The following STRBP variants were observed in gnomAD, a reference collection of about 807,000 sequenced individuals.
STRBP encodes the protein spermatid perinuclear RNA-binding protein.
A neutral mutation model predicts 80.1 loss-of-function variants in STRBP; 13 were observed. That is an observed-to-expected ratio of 0.16 (90% CI 0.11 to 0.26). The LOEUF (loss-of-function observed/expected upper bound fraction) is 0.26. Ranked by LOEUF, STRBP falls within the 10% of genes least tolerant of loss-of-function variation. The pLI is 1.00. For missense variants in STRBP, 485 were observed against 815.2 expected (o/e 0.59, Z 4.93); for synonymous variants, 284 against 291.2 (o/e 0.98, Z 0.25).
Position 123,159,103 on chromosome 9 carries a change from T to C in STRBP, c.828A>G (p.Leu276=). 1 of 1,612,430 alleles carries C rather than the reference T, an allele frequency of 6.2e-7. No homozygotes were observed. Among genetic ancestry groups the C allele is most frequent in the Non-Finnish European group, 8.5e-7 (1 of 1,178,622 alleles). The part of the protein sequence containing the change: ...RVMECLASGI[L]LPGGPGLHDP... ...AGAGTTTGAAACCCTTACCAGGAAG[T>C]AGTATTCCAGATGCCAAACACTCCA... is the stretch of plus-strand genomic sequence containing the variant. The change falls in exon 9 of 19, where the codon CTA becomes CTG. Residue 276 remains leucine, a synonymous_variant. Coordinates refer to ENST00000348403, the MANE Select transcript of STRBP (RefSeq NM_018387.5).
At chr9:123,246,740 G>T (rs1053682144) in intron 1 of STRBP, among the ~76,000 whole-genome samples, 4 of 152,112 alleles carry the variant, frequency 2.6e-5, no homozygotes, top group Non-Finnish European at 5.9e-5. Flanking sequence ...CTATTCAAAG[G>T]AAAATTGTAG....
chr9:123,125,286 T>G lies in STRBP; in HGVS notation c.*311A>C. On this transcript the variant is annotated 3_prime_UTR_variant, in exon 19 of 19. Transcript: ENST00000348403. Reference sequence around the variant, plus strand: ...TATACATCCTTCACAAATTTAATTTTACATAATCTGATACGTCTCTTAAAA... The same window carrying G: ...TATACATCCTTCACAAATTTAATTTGACATAATCTGATACGTCTCTTAAAA... 1 of 1,044,812 alleles carries G rather than the reference T, an allele frequency of 9.6e-7. No homozygotes were observed. Among genetic ancestry groups the G allele is most frequent in the Non-Finnish European group, 1.2e-6 (1 of 868,110 alleles). 64.7% of individuals were successfully genotyped at this position (1,044,812 alleles called of 1,614,324 possible). A position where few individuals can be genotyped will look rare whatever the true frequency, so the allele number is the denominator to read the frequency against.
intron 13 of STRBP, among the ~76,000 whole-genome samples, chr9:123,143,593 G>A (rs1019638649): frequency 6.6e-6 from 1 of 152,122 alleles, no homozygotes; most frequent in Non-Finnish European, 1.5e-5. Context: ...AACTTTTATG[G>A]ATAACAATTT....
chr9:123,189,990 C>T (rs2038861826), intron 2 of STRBP, among the ~76,000 whole-genome samples: 1 of 152,090 alleles, frequency 6.6e-6, no homozygotes, highest in South Asian at 2.1e-4. Flanking sequence ...ACTCAGAACA[C>T]ACTAAGGGGC....
At chr9:123,260,780 A>G (rs193087456) in intron 1 of STRBP, among the ~76,000 whole-genome samples, 1 of 152,328 alleles carries the variant, frequency 6.6e-6, no homozygotes, top group East Asian at 1.9e-4. Context: ...CAAAATGCTG[A>G]TAATTGGTGA....
chr9:123,146,487 TG>T (rs2036819731), intron 13 of STRBP, among the ~76,000 whole-genome samples: 1 of 150,588 alleles, frequency 6.6e-6, no homozygotes, highest in South Asian at 2.1e-4. Flanking sequence ...AAACATTACA[TG>T]AAAAAAAATC....
chr9:123,235,099 T>A (rs2040517078), intron 2 of STRBP, among the ~76,000 whole-genome samples: 1 of 151,334 alleles, frequency 6.6e-6, no homozygotes, highest in African/African-American at 2.4e-5. Context: ...CCACTGAAAC[T>A]GAACTTCACT....
At chr9:123,146,156 C>T (rs1402088218) in intron 13 of STRBP, among the ~76,000 whole-genome samples, 2 of 151,996 alleles carry the variant, frequency 1.3e-5, no homozygotes, top group African/African-American at 2.4e-5. Flanking sequence ...CTTCAGTCTA[C>T]ATGATCTTTA....
chr9:123,263,304 C>T (rs1190317687), intron 1 of STRBP, among the ~76,000 whole-genome samples: 4 of 151,924 alleles, frequency 2.6e-5, no homozygotes, highest in Non-Finnish European at 5.9e-5. Context: ...ATCGCTTGAG[C>T]CCAGAAGTCC....
chr9:123,173,966 G>A, intron 4 of STRBP, 124 bp from the exon 5 acceptor site: 1 of 1,051,688 alleles, frequency 9.5e-7, no homozygotes, highest in Non-Finnish European at 1.3e-6. Flanking sequence ...AGACATCCAA[G>A]TATCCACAAA....
At chr9:123,186,849 A>G (rs2038719596) in intron 2 of STRBP, among the ~76,000 whole-genome samples, 1 of 150,476 alleles carries the variant, frequency 6.6e-6, no homozygotes, top group Non-Finnish European at 1.5e-5. Flanking sequence ...AAAAAGGTCA[A>G]CCTAGTGGAT....
intron 2 of STRBP, among the ~76,000 whole-genome samples, chr9:123,211,084 A>C (rs940832067): frequency 6.6e-6 from 1 of 152,232 alleles, no homozygotes; most frequent in Non-Finnish European, 1.5e-5. Flanking sequence ...ACAGACACAT[A>C]TTAGAATGTT....
chr9:123,253,197 A>G (rs2040952900), intron 1 of STRBP, among the ~76,000 whole-genome samples: 1 of 152,246 alleles, frequency 6.6e-6, no homozygotes, highest in African/African-American at 2.4e-5. Flanking sequence ...TTAAAAGAGA[A>G]GAAAAAAAGA....
chr9:123,189,971 G>A (rs1200880197), intron 2 of STRBP, among the ~76,000 whole-genome samples: 2 of 152,112 alleles, frequency 1.3e-5, no homozygotes, highest in African/African-American at 4.8e-5. Flanking sequence ...AGAATACAAA[G>A]ATGAATCAAC....
intron 1 of STRBP, among the ~76,000 whole-genome samples, chr9:123,240,709 T>C (rs1036248456): frequency 6.6e-6 from 1 of 152,182 alleles, no homozygotes; most frequent in African/African-American, 2.4e-5. Flanking sequence ...GTGCCAGTGC[T>C]CCAAGGCTCT....
At chr9:123,264,899 A>T (rs2041236233) in intron 1 of STRBP, among the ~76,000 whole-genome samples, 1 of 152,206 alleles carries the variant, frequency 6.6e-6, no homozygotes, top group South Asian at 2.1e-4. Flanking sequence ...GACTTAAGAA[A>T]TATAAGGAGG....
At chr9:123,168,332 T>G (rs2037857638) in intron 6 of STRBP, 1 of 409,012 alleles carries the variant, frequency 2.4e-6, no homozygotes, top group South Asian at 1.0e-4. Context: ...CAAAAAAATT[T>G]TAATGCATAG....
chr9:123,238,414 T>C (rs927103280), intron 1 of STRBP, among the ~76,000 whole-genome samples: 8 of 152,246 alleles, frequency 5.3e-5, no homozygotes, highest in Non-Finnish European at 1.2e-4. Context: ...CTAGGAGATA[T>C]ACAATTAAAC....
chr9:123,222,793 A>G (rs1463900946), intron 2 of STRBP, among the ~76,000 whole-genome samples: 3 of 152,204 alleles, frequency 2.0e-5, no homozygotes, highest in Non-Finnish European at 4.4e-5. Context: ...TCTCTTATGA[A>G]ATCTACCAAA....
Sources: gnomAD v4.1 joint callset for allele counts (sites outside exome capture counted in the v4.1 genomes callset) on GRCh38, gnomAD v4.1.1 for gene constraint, MANE v1.5 for transcripts, NCBI Gene and HGNC (gene_info 2026-07-23, HGNC 2026-07-21) for gene names.